CIMAP2: variants seen among roughly 807,000 people sequenced by gnomAD.
CIMAP2 encodes ciliary microtubule-associated protein 2.
At chr1:54,841,930 A>C in the CIMAP2 span, 1 of 1,499,126 alleles carries the variant, frequency 6.7e-7, no homozygotes, top group Non-Finnish European at 9.1e-7. Flanking sequence ...CTGAAGACAA[A>C]TCTGGGGGTG....
the CIMAP2 span, chr1:54,817,168 G>A: frequency 2.5e-6 from 4 of 1,608,460 alleles, no homozygotes; most frequent in South Asian, 4.4e-5. Flanking sequence ...GGCGGTGGGG[G>A]GTCTTACTCT....
the CIMAP2 span, among the ~76,000 whole-genome samples, chr1:54,831,071 G>A: frequency 1.3e-5 from 2 of 152,156 alleles, no homozygotes; most frequent in African/African-American, 4.8e-5. Context: ...AATCTTGCTA[G>A]TATTATATCT....
the CIMAP2 span, chr1:54,806,195 G>C: frequency 6.5e-7 from 1 of 1,546,592 alleles, no homozygotes; most frequent in East Asian, 2.4e-5. Flanking sequence ...GTTCACCGGG[G>C]CGCCCTTCGG....
the CIMAP2 span, among the ~76,000 whole-genome samples, chr1:54,829,319 G>A: frequency 6.6e-6 from 1 of 152,124 alleles, no homozygotes; most frequent in Non-Finnish European, 1.5e-5. Context: ...TATACCCTGG[G>A]GGACCTGGTG....
the CIMAP2 span, chr1:54,811,931 G>A: frequency 6.2e-7 from 1 of 1,614,072 alleles, no homozygotes; most frequent in South Asian, 1.1e-5. Context: ...GGCCTCATCA[G>A]GTACCCCCTC....
chr1:54,809,608 C>T, the CIMAP2 span, among the ~76,000 whole-genome samples: 1 of 152,272 alleles, frequency 6.6e-6, no homozygotes, highest in East Asian at 1.9e-4. Flanking sequence ...AAGCTACCAA[C>T]TGGCAGAAGT....
At chr1:54,819,072 T>G in the CIMAP2 span, among the ~76,000 whole-genome samples, 38 of 152,306 alleles carry the variant, frequency 2.5e-4, no homozygotes, top group African/African-American at 8.9e-4. Flanking sequence ...TGTGAGTGAT[T>G]GGCAGGGGCC....
chr1:54,837,560 A>T, the CIMAP2 span, among the ~76,000 whole-genome samples: 7 of 152,064 alleles, frequency 4.6e-5, no homozygotes, highest in Non-Finnish European at 7.4e-5. Context: ...GGGAGGGGTG[A>T]GGCGCCTCTT....
the CIMAP2 span, among the ~76,000 whole-genome samples, chr1:54,820,484 T>C: frequency 1.3e-5 from 2 of 151,894 alleles, no homozygotes; most frequent in Admixed American, 1.3e-4. Context: ...GGCCTATTTT[T>C]AGTTTTTTAA....
the CIMAP2 span, chr1:54,815,125 G>A: frequency 5.8e-6 from 9 of 1,553,812 alleles, no homozygotes; most frequent in East Asian, 4.5e-5. Context: ...CCAGGTAACC[G>A]ATGCTTTGAG....
chr1:54,827,771 G>C, the CIMAP2 span, among the ~76,000 whole-genome samples: 1 of 152,170 alleles, frequency 6.6e-6, no homozygotes, highest in Non-Finnish European at 1.5e-5. Flanking sequence ...TCCTGCCTTG[G>C]CAGAATTCTG....
At chr1:54,808,147 T>C in the CIMAP2 span, 1 of 908,890 alleles carries the variant, frequency 1.1e-6, no homozygotes, top group Non-Finnish European at 1.6e-6. Flanking sequence ...TGGCATACAC[T>C]GTCCTAGACC....
the CIMAP2 span, among the ~76,000 whole-genome samples, chr1:54,838,514 C>T: frequency 2.6e-5 from 4 of 151,780 alleles, no homozygotes; most frequent in Admixed American, 1.3e-4. Flanking sequence ...TCATGGGCAT[C>T]ACAAAGCTCT....
the CIMAP2 span, chr1:54,814,040 T>G: frequency 1.3e-6 from 2 of 1,497,918 alleles, no homozygotes; most frequent in East Asian, 4.6e-5. Context: ...GGGCTGGGCA[T>G]GGGGTAGGGT....
At chr1:54,834,606 T>G in the CIMAP2 span, among the ~76,000 whole-genome samples, 1 of 152,244 alleles carries the variant, frequency 6.6e-6, no homozygotes, top group Non-Finnish European at 1.5e-5. Context: ...TTTGGGATTT[T>G]TTTTTCAGAC....
At chr1:54,811,765 G>GCCGGGGGGGGGCGGCCCCCCCC in the CIMAP2 span, 1 of 1,301,328 alleles carries the variant, frequency 7.7e-7, no homozygotes, top group Non-Finnish European at 1.1e-6. Context: ...GGTTCTGACA[G>GCCGGGGGGGGGCGGCCCCCCCC]CCTCCATGCC....
chr1:54,830,467 C>A, the CIMAP2 span, among the ~76,000 whole-genome samples: 61 of 152,208 alleles, frequency 4.0e-4, no homozygotes, highest in South Asian at 6.2e-4. This position sits in a 1 kb window ranked among gnomAD's most constrained non-coding sequence, Gnocchi z 4.1. Flanking sequence ...GGTGATCTGC[C>A]CACCTTGAAC....
the CIMAP2 span, among the ~76,000 whole-genome samples, chr1:54,821,893 T>TGTCTGACTGCTCTGGCTAGGAC: frequency 8.9e-3 from 560 of 62,570 alleles, 14 homozygotes; most frequent in African/African-American, 0.015. Context: ...TTTCTTTTTT[T>TGTCTGACTGCTCTGGCTAGGAC]TTTTTTTTTT....
At chr1:54,830,769 A>G in the CIMAP2 span, among the ~76,000 whole-genome samples, 1 of 152,200 alleles carries the variant, frequency 6.6e-6, no homozygotes, top group Non-Finnish European at 1.5e-5. The surrounding 1 kb of genome is among the most constrained non-coding windows in gnomAD (Gnocchi z 4.1). Flanking sequence ...AGTGCTGCCA[A>G]TTCCTTAGTC....
Sources: gnomAD v4.1 joint callset for allele counts (sites outside exome capture counted in the v4.1 genomes callset) on GRCh38, gnomAD v4.1.1 for gene constraint, Gnocchi (gnomAD v3.1) non-coding constraint, MANE v1.5 for transcripts, NCBI Gene and HGNC (gene_info 2026-07-23, HGNC 2026-07-21) for gene names.